The following SRGAP1 variants were observed in gnomAD, a reference collection of about 807,000 sequenced individuals.
SRGAP1 encodes the protein SLIT-ROBO Rho GTPase activating protein 1, also known as SLIT-ROBO Rho GTPase-activating protein 1.
SRGAP1 carries 43 observed loss-of-function variants against 121.9 expected under a neutral mutation model. That is an observed-to-expected ratio of 0.35 (90% CI 0.28 to 0.46). SRGAP1 has a LOEUF of 0.46. SRGAP1 is among the 20% of genes least tolerant of loss of function. The probability of loss-of-function intolerance (pLI) is 1.00; values close to 1 mark genes in which losing one functional copy is unlikely to be tolerated. For missense variants in SRGAP1, 1,102 were observed against 1,350.9 expected (o/e 0.82, Z 2.89); for synonymous variants, 447 against 485.4 (o/e 0.92, Z 1.04).
intron 10 of SRGAP1, 79 bp from the exon 11 acceptor site, chr12:64,086,920 G>A (rs1020556716): frequency 2.5e-5 from 26 of 1,036,186 alleles, no homozygotes; most frequent in African/African-American, 1.6e-4. Flanking sequence ...TTAAAATACC[G>A]GATAGGAGAT....
At chr12:63,961,308 T>C (rs1230384611) in intron 1 of SRGAP1, among the ~76,000 whole-genome samples, 3 of 152,194 alleles carry the variant, frequency 2.0e-5, no homozygotes, top group Non-Finnish European at 2.9e-5. Flanking sequence ...GAGTTGTGCC[T>C]TGTCTACCTG....
At chr12:63,984,351 A>C (rs1266807586) in intron 2 of SRGAP1, among the ~76,000 whole-genome samples, 1 of 152,170 alleles carries the variant, frequency 6.6e-6, no homozygotes, top group Non-Finnish European at 1.5e-5. Flanking sequence ...TTGTCTTTCC[A>C]ATACATATAT....
At chr12:63,861,823 T>C (rs1899463025) in intron 1 of SRGAP1, among the ~76,000 whole-genome samples, 1 of 152,018 alleles carries the variant, frequency 6.6e-6, no homozygotes, top group East Asian at 1.9e-4. Flanking sequence ...ACTGTCTCTA[T>C]AAAAAATTTA....
At chr12:63,875,559 A>T (rs961246207) in intron 1 of SRGAP1, among the ~76,000 whole-genome samples, 1 of 152,210 alleles carries the variant, frequency 6.6e-6, no homozygotes, top group African/African-American at 2.4e-5. Context: ...TTTTTTAAAG[A>T]TATAGTTTTT....
At chr12:64,087,298 G>T (rs746662795) in intron 11 of SRGAP1, among the ~76,000 whole-genome samples, 26 of 152,152 alleles carry the variant, frequency 1.7e-4, no homozygotes, top group Non-Finnish European at 3.7e-4. Flanking sequence ...ATCTAATCCA[G>T]AATACTTTAA....
At chr12:64,063,745 G>A (rs1444775699) in intron 7 of SRGAP1, among the ~76,000 whole-genome samples, 1 of 151,964 alleles carries the variant, frequency 6.6e-6, no homozygotes, top group Non-Finnish European at 1.5e-5. Context: ...CCAACTTAGG[G>A]AGCATGCTAT....
chr12:64,000,995 A>G (rs993958290), intron 3 of SRGAP1, among the ~76,000 whole-genome samples: 1 of 152,198 alleles, frequency 6.6e-6, no homozygotes, highest in Non-Finnish European at 1.5e-5. Context: ...TCCCCACTTG[A>G]GAAAATATCA....
intron 3 of SRGAP1, among the ~76,000 whole-genome samples, chr12:64,016,069 T>C (rs2034393574): frequency 1.3e-5 from 2 of 152,186 alleles, no homozygotes; most frequent in South Asian, 4.1e-4. Flanking sequence ...TACTCTCCAC[T>C]TTTTTGTCTT....
At chr12:63,866,201 C>T (rs1039215486) in intron 1 of SRGAP1, among the ~76,000 whole-genome samples, 9 of 152,126 alleles carry the variant, frequency 5.9e-5, no homozygotes, top group South Asian at 2.1e-4. Flanking sequence ...GGATCAGCTT[C>T]GATGATTGCT....
chr12:63,890,527 G>C (rs1852658113), intron 1 of SRGAP1, among the ~76,000 whole-genome samples: 1 of 152,212 alleles, frequency 6.6e-6, no homozygotes, highest in Admixed American at 6.5e-5. Context: ...TGAAATTGAA[G>C]CTATTTACAG....
rs1218783117 is a variant in SRGAP1 at position 64,151,566 on chromosome 12, T to C, written c.*8894T>C. ...TTATCTGTAAGGCTCATGACAAATA[T>C]TGCCGACCTGTTTTCCAGCAAAGTT... is the stretch of plus-strand genomic sequence containing the variant. On this transcript the variant is annotated 3_prime_UTR_variant, in exon 22 of 22. Coordinates refer to ENST00000355086, the MANE Select transcript of SRGAP1 (RefSeq NM_020762.4). 1 of 152,186 alleles carries C rather than the reference T, an allele frequency of 6.6e-6. No individual in the cohort carries two copies. Among genetic ancestry groups the C allele is most frequent in the Admixed American group, 6.5e-5 (1 of 15,272 alleles). The allele number at this position is 152,186 out of a possible 1,614,324, so 9.4% of individuals were successfully genotyped here.
At chr12:64,037,145 G>T (rs577736747) in intron 4 of SRGAP1, among the ~76,000 whole-genome samples, 1 of 152,324 alleles carries the variant, frequency 6.6e-6, no homozygotes, top group East Asian at 1.9e-4. Flanking sequence ...AGGAGGAGGT[G>T]CTGGGGGACA....
At chr12:63,979,004 A>G (rs1252668091) in intron 1 of SRGAP1, among the ~76,000 whole-genome samples, 4 of 146,192 alleles carry the variant, frequency 2.7e-5, no homozygotes, top group African/African-American at 1.0e-4. Context: ...TTTGTATATC[A>G]TCTTGGGAGA....
intron 12 of SRGAP1, chr12:64,091,917 A>G (rs1222754515): frequency 6.5e-7 from 1 of 1,535,872 alleles, no homozygotes; most frequent in East Asian, 2.4e-5. Flanking sequence ...ACTCGCACAC[A>G]AGACATCAGG....
chr12:63,856,141 CCAGCTCCT>C (rs1415232720), intron 1 of SRGAP1, among the ~76,000 whole-genome samples: 1 of 152,048 alleles, frequency 6.6e-6, no homozygotes, highest in Non-Finnish European at 1.5e-5. Flanking sequence ...GCTGGTAATC[CCAGCTCCT>C]TGGGAGGCTG....
At chr12:64,138,543 C>T (rs1327666614) in intron 21 of SRGAP1, among the ~76,000 whole-genome samples, 2 of 148,818 alleles carry the variant, frequency 1.3e-5, no homozygotes, top group Admixed American at 6.7e-5. Context: ...TCATTGCAAC[C>T]TCCATCTCCT....
intron 1 of SRGAP1, among the ~76,000 whole-genome samples, chr12:63,960,913 A>G (rs1156980537): frequency 1.3e-5 from 2 of 152,176 alleles, no homozygotes; most frequent in African/African-American, 4.8e-5. Flanking sequence ...AGCCTTCCTG[A>G]TGCTTTGGTA....
intron 10 of SRGAP1, among the ~76,000 whole-genome samples, chr12:64,086,271 A>G (rs2035937057): frequency 6.6e-6 from 1 of 152,336 alleles, no homozygotes; most frequent in South Asian, 2.1e-4. Flanking sequence ...TAAATGTACA[A>G]AGCAACCGAT....
chr12:63,967,961 CTG>C (rs1006550106), intron 1 of SRGAP1, among the ~76,000 whole-genome samples: 1 of 152,164 alleles, frequency 6.6e-6, no homozygotes, highest in African/African-American at 2.4e-5. Context: ...GGAGGAGAAA[CTG>C]TTCTAGTATT....
Sources: gnomAD v4.1 joint callset for allele counts (sites outside exome capture counted in the v4.1 genomes callset) on GRCh38, gnomAD v4.1.1 for gene constraint, MANE v1.5 for transcripts, NCBI Gene and HGNC (gene_info 2026-07-23, HGNC 2026-07-21) for gene names.